Variants in SEBOX observed in about 807,000 individuals in gnomAD.
SEBOX encodes the protein SEBOX homeobox.
A neutral mutation model predicts 7.8 loss-of-function variants in SEBOX; 10 were observed. That is an observed-to-expected ratio of 1.28 (90% CI 0.79 to 2.17). The LOEUF (loss-of-function observed/expected upper bound fraction) is 2.17. SEBOX is among the 30% of genes most tolerant of loss of function. The pLI, the probability that SEBOX is intolerant of heterozygous loss-of-function variation, is 0.00. For missense variants in SEBOX, 240 were observed against 239.5 expected, an observed-to-expected ratio of 1.00 and a Z score of -0.01; for synonymous variants, 98 against 91.5, an observed-to-expected ratio of 1.07 and a Z score of -0.40.
Position 28,364,273 on chromosome 17 carries a change from AG to A in SEBOX, c.567del (p.Ser190ProfsTer13). 6.2e-7 allele frequency: 1 copy of A among 1,606,616 alleles called. No homozygotes were observed. The highest frequency in any genetic ancestry group is 8.5e-7 in the Non-Finnish European group (1 of 1,176,326). On this transcript the variant is annotated frameshift_variant, in exon 3 of 3. Transcript: ENST00000536498. LOFTEE classifies it high-confidence loss of function. ...TTGCAAGTTCTGGACAAAGACTAGG[AG>A]TGGTCCACATTGACGACAATGGCCA... ...YALAIVVNVDHS is the reference protein window; with the variant it reads ...YALAIVVNVDXS
rs782105562 is a variant in SEBOX at position 28,364,497 on chromosome 17, G to A, written c.344C>T (p.Ser115Phe). Residue 115 changes from serine (S) to phenylalanine (F), a missense_variant, in exon 3 of 3, where the codon TCC becomes TTC. Coordinates refer to ENST00000536498, the MANE Select transcript of SEBOX (RefSeq NM_001080837.4). ...TGAGGTGCGCTGAGGTGTGCCGCTGGAGGGTGGAGGTTGGCCTGGCATTTG... is the reference window on the plus strand; with the variant it reads ...TGAGGTGCGCTGAGGTGTGCCGCTGAAGGGTGGAGGTTGGCCTGGCATTTG... Reference protein sequence around the residue: ...DPQMPGQPPPSSGTPQRTSVC... With the variant: ...DPQMPGQPPPFSGTPQRTSVC... The A allele has an allele frequency of 6.8e-6, 11 of 1,607,986 alleles. No homozygotes were observed. In the East Asian group the frequency reaches 2.2e-4, roughly 33 times the overall value.
At position 28,363,510 on chromosome 17, in the gene SEBOX, G is replaced by C. The variant is rs539619952; in HGVS notation, c.*758C>G. On this transcript the variant is annotated 3_prime_UTR_variant, in exon 3 of 3. Coordinates refer to ENST00000536498, the MANE Select transcript of SEBOX (RefSeq NM_001080837.4). ...TGCAGAGCACAACAATCCAGATTAA[G>C]GTACAGAGTTTGGGTTTTATTTGGA... 6.6e-6 allele frequency: 1 copy of C among 152,234 alleles called. No individual in the cohort carries two copies. The highest frequency in any genetic ancestry group is 1.5e-5 in the Non-Finnish European group (1 of 68,018). The allele number at this position is 152,234 out of a possible 1,614,324, so 9.4% of individuals were successfully genotyped here.
intron 2 of SEBOX, 69 bp from the exon 3 acceptor site, chr17:28,364,717 C>T: frequency 1.3e-6 from 2 of 1,590,114 alleles, no homozygotes; most frequent in African/African-American, 1.3e-5. Context: ...GGGGAAACAA[C>T]CTGAAGGCAG....
Position 28,364,414 on chromosome 17 carries a change from C to T in SEBOX, c.427G>A (p.Gly143Arg). Residue 143 changes from glycine (G) to arginine (R), a missense_variant, in exon 3 of 3, where the codon GGG (glycine) becomes AGG (arginine). By Grantham distance (125) the Gly-to-Arg change is moderately radical. Transcript: ENST00000536498. Reference sequence around the variant, plus strand: ...CCCCATGGGGCTACAGCTTTAGCCCCTTCCCAGCCCTGCCGTGGACTCAAG... The same window carrying T: ...CCCCATGGGGCTACAGCTTTAGCCCTTTCCCAGCCCTGCCGTGGACTCAAG... ...PGLSPRQGWEGAKAVAPWGSA... is the reference protein window; with the variant it reads ...PGLSPRQGWERAKAVAPWGSA... 1 of 1,590,452 alleles carries T rather than the reference C, an allele frequency of 6.3e-7. No individual in the cohort carries two copies. The highest frequency in any genetic ancestry group is 8.6e-7 in the Non-Finnish European group (1 of 1,168,122).
At position 28,364,777 on chromosome 17, in the gene SEBOX, G is replaced by A; in HGVS notation, c.192+18C>T. 4 of 1,613,440 alleles carry A rather than the reference G, an allele frequency of 2.5e-6. No individual in the cohort carries two copies. The highest frequency in any genetic ancestry group is 3.4e-6 in the Non-Finnish European group (4 of 1,179,604). ...CCAAGCCTAGATGTTGGCTGTGTGA[G>A]AAGGGGTCACAGCTCACCTGTACCT... On this transcript the variant is annotated intron_variant, in intron 2 of 2. Transcript: ENST00000536498.
Position 28,364,909 on chromosome 17 carries a change from G to T in SEBOX, c.78C>A (p.Phe26Leu). The change falls in exon 2 of 3, where the codon TTC becomes TTA. Residue 26 changes from phenylalanine to leucine, a missense_variant. Transcript: ENST00000536498. ...CCAGCTCCAGTAGCTGCCCTTTGCT[G>T]AAGGTGGTCCGCTTTCTCCGGTGGG... ...LGSHRRKRTT[F>L]SKGQLLELER... The T allele has an allele frequency of 6.2e-7, 1 of 1,613,678 alleles. No homozygotes were observed. Among genetic ancestry groups the T allele is most frequent in the Non-Finnish European group, 8.5e-7 (1 of 1,179,796 alleles).
rs782129459 is a variant in SEBOX at position 28,364,684 on chromosome 17, A to G, written c.193-36T>C. The stretch of plus-strand genomic sequence containing the variant: ...AGAAGAAGGGGTCTGTTCTGGCCCC[A>G]GCATCCCCTCCACCCAGGGACAGGG... On this transcript the variant is annotated intron_variant, in intron 2 of 2. Transcript: ENST00000536498. The G allele has an allele frequency of 5.1e-5, 80 of 1,567,846 alleles. No individual in the cohort carries two copies. The South Asian group carries it at 7.8e-4, about 15-fold the overall frequency.
chr17:28,365,065 C>T (rs2067897934), intron 1 of SEBOX, 56 bp downstream of exon 1: 4 of 1,583,966 alleles, frequency 2.5e-6, no homozygotes, highest in Non-Finnish European at 3.4e-6. Flanking sequence ...TCCAACCGTC[C>T]TCATCCTACC....
Position 28,364,860 on chromosome 17 carries a change from A to G in SEBOX, c.127T>C (p.Tyr43His), listed in dbSNP as rs1177045718. The G allele has an allele frequency of 6.2e-7, 1 of 1,613,772 alleles. No homozygotes were observed. The highest frequency in any genetic ancestry group is 8.5e-7 in the Non-Finnish European group (1 of 1,179,852). The change falls in exon 2 of 3, where the codon TAC (tyrosine) becomes CAC (histidine). Residue 43 changes from tyrosine (Y) to histidine (H), a missense_variant. Physicochemically the swap from Tyr to His is moderately conservative, Grantham distance 83. Coordinates refer to ENST00000536498, the MANE Select transcript of SEBOX (RefSeq NM_001080837.4). ...TGCTCATGGGTGCTGATGTTGGGGT[A>G]GGGCCATGCTGCAAACGCCCTCTCC... is the stretch of plus-strand genomic sequence containing the variant. ...ELERAFAAWP[Y>H]PNISTHEHLA...
In SEBOX at chr17:28,365,191, A is replaced by G. The variant is rs2067900983; in HGVS notation, c.-40T>C. 6.2e-7 allele frequency: 1 copy of G among 1,612,642 alleles called. No homozygotes were observed. Among genetic ancestry groups the G allele is most frequent in the African/African-American group, 1.3e-5 (1 of 74,994 alleles). On this transcript the variant is annotated 5_prime_UTR_variant, in exon 1 of 3. Coordinates refer to ENST00000536498, the MANE Select transcript of SEBOX (RefSeq NM_001080837.4). ...GTAAGGTGCCAGAGGGCCGTGCCAG[A>G]GGGCCATGCCAGGGCTGTGCCCACA...
At position 28,364,971 on chromosome 17, in the gene SEBOX, G is replaced by A. The variant is rs781988520; in HGVS notation, c.32-16C>T. The A allele has an allele frequency of 2.5e-6, 4 of 1,604,878 alleles. No homozygotes were observed. The South Asian group carries it at 4.5e-5, about 18-fold the overall frequency. On this transcript the variant is annotated splice_polypyrimidine_tract_variant and intron_variant, in intron 1 of 2. Coordinates refer to ENST00000536498, the MANE Select transcript of SEBOX (RefSeq NM_001080837.4). ...CTGCCACCGTCTGCAGGCCATGGTG[G>A]GGGTCAAGCTGGGACTCCCTGCAAG...
rs1555582840 is a variant in SEBOX at position 28,365,176 on chromosome 17, A to C, written c.-25T>G. The stretch of plus-strand genomic sequence containing the variant: ...TGGAGCTGGCAAAGGGTAAGGTGCC[A>C]GAGGGCCGTGCCAGAGGGCCATGCC... On this transcript the variant is annotated 5_prime_UTR_variant, in exon 1 of 3. Coordinates refer to ENST00000536498, the MANE Select transcript of SEBOX (RefSeq NM_001080837.4). The C allele has an allele frequency of 2.5e-6, 4 of 1,611,718 alleles. No individual in the cohort carries two copies. The highest frequency in any genetic ancestry group is 3.4e-6 in the Non-Finnish European group (4 of 1,179,080).
rs2067886484 is a variant in SEBOX, at chr17:28,364,009, CA to C, written c.*258del. ...TCATCCTTCTGAAGGTACCACCTGC[CA>C]CAACAATGAGCATATGCCCCAAAGG... On this transcript the variant is annotated 3_prime_UTR_variant, in exon 3 of 3. Transcript: ENST00000536498. Among the ~76,000 whole-genome samples the C allele has an allele frequency of 6.6e-6, 1 of 152,192 alleles. No homozygotes were observed. Among genetic ancestry groups the C allele is most frequent in the African/African-American group, 2.4e-5 (1 of 41,446 alleles).
Position 28,364,779 on chromosome 17 carries a change from AG to A in SEBOX, c.192+15del. On this transcript the variant is annotated intron_variant, in intron 2 of 2. Coordinates refer to ENST00000536498, the MANE Select transcript of SEBOX (RefSeq NM_001080837.4). ...AAGCCTAGATGTTGGCTGTGTGAGA[AG>A]GGGTCACAGCTCACCTGTACCTTGG... is the stretch of plus-strand genomic sequence containing the variant. 1 of 1,613,412 alleles carries A rather than the reference AG, an allele frequency of 6.2e-7. No homozygotes were observed. The highest frequency in any genetic ancestry group is 8.5e-7 in the Non-Finnish European group (1 of 1,179,602).
Position 28,363,662 on chromosome 17 carries a change from A to G in SEBOX, c.*606T>C, listed in dbSNP as rs1353923837. 1 of 152,236 alleles carries G rather than the reference A, an allele frequency of 6.6e-6. No individual in the cohort carries two copies. Among genetic ancestry groups the G allele is most frequent in the Admixed American group, 6.5e-5 (1 of 15,282 alleles). 9.4% of individuals were successfully genotyped at this position (152,236 alleles called of 1,614,324 possible). ...GGGCATCCAATCTGATCTTTGTGAA[A>G]ATTAAATCAACATAAGCCCCAGCTT... On this transcript the variant is annotated 3_prime_UTR_variant, in exon 3 of 3. Transcript: ENST00000536498.
At chr17:28,364,989 C>T (rs1555582802) in intron 1 of SEBOX, 34 bp from the exon 2 acceptor site, 2 of 1,593,910 alleles carry the variant, frequency 1.3e-6, no homozygotes, top group Middle Eastern at 1.9e-4. Flanking sequence ...GCTGGGACTC[C>T]CTGCAAGAGC....
chr17:28,365,099 C>T (rs1294212179), intron 1 of SEBOX, 22 bp downstream of exon 1: 5 of 1,600,806 alleles, frequency 3.1e-6, no homozygotes, highest in Non-Finnish European at 4.3e-6. Flanking sequence ...TCACCCTGCC[C>T]ACACTTCCCC....
At position 28,364,130 on chromosome 17, in the gene SEBOX, G is replaced by C. The variant is rs765383085; in HGVS notation, c.*138C>G. On this transcript the variant is annotated 3_prime_UTR_variant, in exon 3 of 3. Transcript: ENST00000536498. ...GCCAGTGGAAGGGAGGGATGCCTGA[G>C]CTAAACTCCTTTCCCGTAGGGAATC... 4.9e-5 allele frequency: 43 copies of C among 881,102 alleles called. 1 individual carries two copies. The highest frequency in any genetic ancestry group is 3.2e-5 in the Non-Finnish European group (19 of 593,974). The allele number at this position is 881,102 out of a possible 1,614,324, so 54.6% of individuals were successfully genotyped here.
In SEBOX at chr17:28,364,315, C is replaced by G; in HGVS notation, c.526G>C (p.Asp176His). The G allele has an allele frequency of 6.2e-6, 10 of 1,605,700 alleles. No individual in the cohort carries two copies. The highest frequency in any genetic ancestry group is 8.5e-6 in the Non-Finnish European group (10 of 1,176,090). The change falls in exon 3 of 3, where the codon GAC becomes CAC. Residue 176 changes from aspartate to histidine, a missense_variant. Physicochemically the swap from Asp to His is moderately conservative, Grantham distance 81. Transcript: ENST00000536498. ...ACAATGGCCAAGGCATAGATGAGGTCAGACAGGCTGCCTAGTGAAGTCTGG... is the reference window on the plus strand; with the variant it reads ...ACAATGGCCAAGGCATAGATGAGGTGAGACAGGCTGCCTAGTGAAGTCTGG... The part of the protein sequence containing the change: ...TPQTSLGSLS[D>H]LIYALAIVVN...
Sources: allele counts gnomAD v4.1 joint callset (sites outside exome capture counted in the v4.1 genomes callset), GRCh38; gene constraint gnomAD v4.1.1; transcripts MANE v1.5; gene names NCBI Gene and HGNC (gene_info 2026-07-23, HGNC 2026-07-21).